The following CTDSPL2 variants were observed in gnomAD, a reference collection of about 807,000 sequenced individuals.
CTDSPL2 encodes the protein CTD small phosphatase like 2, also known as CTD small phosphatase-like protein 2.
A neutral mutation model predicts 60.0 loss-of-function variants in CTDSPL2; 5 were observed. That is an observed-to-expected ratio of 0.08 (90% CI 0.04 to 0.18). The LOEUF (loss-of-function observed/expected upper bound fraction) is 0.18, where lower values mean the gene tolerates loss of function less well. Among genes scored for constraint, CTDSPL2 ranks in the 10% least tolerant of loss-of-function variants. The pLI, the probability that CTDSPL2 is intolerant of heterozygous loss-of-function variation, is 1.00. For missense variants in CTDSPL2, 370 were observed against 548.8 expected (o/e 0.67, Z 3.26); for synonymous variants, 186 against 189.3 (o/e 0.98, Z 0.14).
At chr15:44,491,623 G>A (rs1402912392) in intron 5 of CTDSPL2, among the ~76,000 whole-genome samples, 1 of 152,204 alleles carries the variant, frequency 6.6e-6, no homozygotes, top group Non-Finnish European at 1.5e-5. Flanking sequence ...AAATAAAACT[G>A]AAGAAGGCCA....
chr15:44,438,000 C>T (rs956425071), intron 1 of CTDSPL2, among the ~76,000 whole-genome samples: 4 of 152,162 alleles, frequency 2.6e-5, no homozygotes, highest in Non-Finnish European at 5.9e-5. Flanking sequence ...TGCAGTGGCT[C>T]ACGCCTGTAA....
At chr15:44,493,687 C>G (rs2081252639) in intron 5 of CTDSPL2, among the ~76,000 whole-genome samples, 1 of 152,072 alleles carries the variant, frequency 6.6e-6, no homozygotes, top group South Asian at 2.1e-4. Context: ...ATAGTCCCAG[C>G]TACTTGAAGG....
intron 8 of CTDSPL2, among the ~76,000 whole-genome samples, chr15:44,507,557 G>T (rs185581427): frequency 6.6e-6 from 1 of 152,130 alleles, no homozygotes; most frequent in Non-Finnish European, 1.5e-5. Flanking sequence ...TCACTCAGTG[G>T]GTTATGAAAT....
Position 44,525,191 on chromosome 15 carries a change from A to G in CTDSPL2, c.*1017A>G. On this transcript the variant is annotated 3_prime_UTR_variant, in exon 13 of 13. Transcript: ENST00000260327. The stretch of plus-strand genomic sequence containing the variant: ...TTTTAGTTATTTTGCATGGGCTGGT[A>G]GTACCTCTGTTATGCTCTCAGTTAC... The G allele has an allele frequency of 2.6e-6, 1 of 385,578 alleles. No homozygotes were observed. The highest frequency in any genetic ancestry group is 4.6e-6 in the Non-Finnish European group (1 of 217,626). The allele number at this position is 385,578 out of a possible 1,614,324, so 23.9% of individuals were successfully genotyped here.
At chr15:44,439,928 C>G (rs60337896) in intron 1 of CTDSPL2, among the ~76,000 whole-genome samples, 1 of 151,974 alleles carries the variant, frequency 6.6e-6, no homozygotes, top group Non-Finnish European at 1.5e-5. Flanking sequence ...GGGAAGTGTT[C>G]CCTTCTATTT....
At chr15:44,499,670 T>C (rs1357837117) in intron 7 of CTDSPL2, 57 bp from the exon 8 acceptor site, 2 of 976,044 alleles carry the variant, frequency 2.0e-6, no homozygotes, top group African/African-American at 3.3e-5. Context: ...GATAAAAGTA[T>C]CCTTTGAAGT....
At chr15:44,509,498 C>T (rs541649710) in intron 8 of CTDSPL2, among the ~76,000 whole-genome samples, 3 of 152,236 alleles carry the variant, frequency 2.0e-5, no homozygotes, top group Admixed American at 6.5e-5. Context: ...TGACCTACCA[C>T]GCCCAGCCAA....
chr15:44,438,337 A>T (rs762257618), intron 1 of CTDSPL2, among the ~76,000 whole-genome samples: 6 of 152,104 alleles, frequency 3.9e-5, no homozygotes, highest in Non-Finnish European at 5.9e-5. Context: ...TGGGTTTCAT[A>T]TGCAATGCTA....
chr15:44,454,146 AT>A (rs1450817844), intron 1 of CTDSPL2, among the ~76,000 whole-genome samples: 4 of 152,038 alleles, frequency 2.6e-5, no homozygotes, highest in Admixed American at 2.6e-4. Context: ...GTGGTATCCC[AT>A]TGTGGTTTTG....
chr15:44,477,180 G>A (rs546773806), intron 2 of CTDSPL2, among the ~76,000 whole-genome samples: 2 of 152,304 alleles, frequency 1.3e-5, no homozygotes, highest in East Asian at 3.9e-4. Context: ...AGTGAGGTGA[G>A]ATTGTGCCAC....
intron 1 of CTDSPL2, among the ~76,000 whole-genome samples, chr15:44,441,338 G>T (rs1007735799): frequency 6.6e-6 from 1 of 152,104 alleles, no homozygotes; most frequent in Non-Finnish European, 1.5e-5. Flanking sequence ...TCTGGTTGGG[G>T]CTTCGTATTT....
Position 44,486,639 on chromosome 15 carries a change from T to G in CTDSPL2, c.414T>G (p.Thr138=). The change falls in exon 4 of 13, where the codon ACT becomes ACG. Residue 138 remains threonine, a synonymous_variant. Coordinates refer to ENST00000260327, the MANE Select transcript of CTDSPL2 (RefSeq NM_016396.3). ...DNPSSGSPPR[T]TLLGTIFSPV... is the part of the protein sequence containing the mutation. ...CTTCCTCTGGCAGTCCTCCAAGGAC[T>G]ACTTTGTTGGGGACCATATTTTCAC... is the stretch of plus-strand genomic sequence containing the variant. 2 of 1,598,276 alleles carry G rather than the reference T, an allele frequency of 1.3e-6. No individual in the cohort carries two copies. The highest frequency in any genetic ancestry group is 1.2e-5 in the South Asian group (1 of 85,810).
chr15:44,447,939 GT>G (rs2080251642), intron 1 of CTDSPL2: 2 of 174,422 alleles, frequency 1.1e-5, no homozygotes, highest in Non-Finnish European at 2.4e-5. Context: ...AGCACCCAGT[GT>G]CTGGCCCATG....
At chr15:44,462,861 A>G (rs1303584108) in intron 2 of CTDSPL2, among the ~76,000 whole-genome samples, 1 of 151,416 alleles carries the variant, frequency 6.6e-6, no homozygotes, top group Non-Finnish European at 1.5e-5. Context: ...GTGTGCCACC[A>G]TGCCCAGCTA....
intron 2 of CTDSPL2, among the ~76,000 whole-genome samples, chr15:44,479,833 T>G (rs2080993489): frequency 6.6e-6 from 1 of 152,180 alleles, no homozygotes; most frequent in African/African-American, 2.4e-5. Context: ...TTCATTATAG[T>G]AGTTTTGTGT....
At chr15:44,519,329 GA>G in intron 11 of CTDSPL2, 34 bp downstream of exon 11, 3 of 1,519,010 alleles carry the variant, frequency 2.0e-6, no homozygotes, top group Non-Finnish European at 2.6e-6. Flanking sequence ...ACTCAGATTG[GA>G]AAAAATACAA....
intron 2 of CTDSPL2, among the ~76,000 whole-genome samples, chr15:44,483,719 A>G (rs149401914): frequency 7.9e-4 from 121 of 152,286 alleles, no homozygotes; most frequent in African/African-American, 2.6e-3. Flanking sequence ...GGTAGACTCT[A>G]TATTATTTAT....
intron 3 of CTDSPL2, 59 bp downstream of exon 3, chr15:44,484,421 A>G (rs906129750): frequency 6.8e-7 from 1 of 1,480,340 alleles, no homozygotes; most frequent in Non-Finnish European, 9.3e-7. Flanking sequence ...CACCTGACAC[A>G]TTTCTTATCT....
chr15:44,491,050 TA>T lies in CTDSPL2; in HGVS notation c.691+53del, dbSNP rs755621291. On this transcript the variant is annotated intron_variant, in intron 5 of 12. Transcript: ENST00000260327. ...ATCTTCATGAGTAGTTGATAAAAAA[TA>T]ACAGTATTTCATATTTTTTCTTAAA... 5.8e-6 allele frequency: 8 copies of T among 1,373,184 alleles called. No individual in the cohort carries two copies. The East Asian group carries it at 1.1e-4, about 20-fold the overall frequency. 85.1% of individuals were successfully genotyped at this position (1,373,184 alleles called of 1,614,324 possible).
Sources: allele counts gnomAD v4.1 joint callset (sites outside exome capture counted in the v4.1 genomes callset), GRCh38; gene constraint gnomAD v4.1.1; transcripts MANE v1.5; gene names NCBI Gene and HGNC (gene_info 2026-07-23, HGNC 2026-07-21).